MTM1: variants seen among roughly 807,000 people sequenced by gnomAD.
MTM1 encodes myotubularin 1.
A neutral mutation model predicts 52.1 loss-of-function variants in MTM1; 9 were observed. That is an observed-to-expected ratio of 0.17 (90% CI 0.10 to 0.30). MTM1 has a LOEUF of 0.30. Ranked by LOEUF, MTM1 falls within the 10% of genes least tolerant of loss-of-function variation. The probability of loss-of-function intolerance (pLI) is 1.00; values close to 1 mark genes in which losing one functional copy is unlikely to be tolerated. For missense variants in MTM1, 277 were observed against 470.7 expected, an observed-to-expected ratio of 0.59 and a Z score of 3.81; for synonymous variants, 136 against 163.8, an observed-to-expected ratio of 0.83 and a Z score of 1.29.
At position 150,592,717 on chromosome X, in the gene MTM1, A is replaced by G. The variant is rs782356114; in HGVS notation, c.63+40A>G. 9.8e-6 allele frequency: 9 copies of G among 918,731 alleles called. No individual in the cohort carries two copies. In the East Asian group the frequency reaches 2.8e-4, roughly 28 times the overall value. The allele number at this position is 918,731 out of a possible 1,213,427, so 75.7% of individuals were successfully genotyped here. On this transcript the variant is annotated intron_variant, in intron 2 of 14. Coordinates refer to ENST00000370396, the MANE Select transcript of MTM1 (RefSeq NM_000252.3). The stretch of plus-strand genomic sequence containing the variant: ...CAGATTTATCTGTCTCTTTCCTTGC[A>G]TTTATTTTGATATTTGAATATTAGG...
chrX:150,649,737 A>G lies in MTM1; in HGVS notation c.889A>G (p.Ser297Gly). 8.3e-7 allele frequency: 1 copy of G among 1,209,245 alleles called. No homozygotes were observed. Among genetic ancestry groups the G allele is most frequent in the Non-Finnish European group, 1.1e-6 (1 of 893,231 alleles). Residue 297 changes from serine to glycine, a missense_variant, in exon 10 of 15, where the codon AGT (serine) becomes GGT (glycine). Coordinates refer to ENST00000370396, the MANE Select transcript of MTM1 (RefSeq NM_000252.3). ...ANKATGGGYESDDAYHNAELF... is the reference protein window; with the variant it reads ...ANKATGGGYEGDDAYHNAELF... Reference sequence around the variant, plus strand: ...TTAGGCAACAGGAGGAGGATATGAAAGTGATGATGCATATCATAACGCCGA... The same window carrying G: ...TTAGGCAACAGGAGGAGGATATGAAGGTGATGATGCATATCATAACGCCGA...
rs181829058 is a variant in MTM1, at chrX:150,650,409, A to G, written c.1053+508A>G. 4.7e-4 allele frequency among the ~76,000 whole-genome samples: 53 copies of G among 111,942 alleles called. 1 individual carries two copies. The highest frequency in any genetic ancestry group is 1.7e-3 in the African/African-American group (51 of 30,788). On this transcript the variant is annotated intron_variant, in intron 10 of 14. Coordinates refer to ENST00000370396, the MANE Select transcript of MTM1 (RefSeq NM_000252.3). ...AAAGTACTTGAAGTGATCTGAGGGA[A>G]CTAACACTTTTAGAAACCATTTAGT...
chrX:150,567,889 C>A (rs782086067), upstream of MTM1, among the ~76,000 whole-genome samples: 4 of 112,488 alleles, frequency 3.6e-5, no homozygotes, highest in Admixed American at 9.3e-5. Flanking sequence ...ACAATGAATT[C>A]TCTTCTTGAA....
intron 3 of MTM1, among the ~76,000 whole-genome samples, chrX:150,598,315 A>G: frequency 9.0e-6 from 1 of 111,130 alleles, no homozygotes; most frequent in Non-Finnish European, 1.9e-5. Context: ...ATTCACTTCT[A>G]TTGTCACCTT....
intron 5 of MTM1, among the ~76,000 whole-genome samples, 172 bp downstream of exon 5, chrX:150,614,871 G>C (rs1193603666): frequency 9.0e-6 from 1 of 111,397 alleles, no homozygotes; most frequent in Admixed American, 9.6e-5. Flanking sequence ...GGGAAATAGT[G>C]CCCACGTGAG....
intron 10 of MTM1, among the ~76,000 whole-genome samples, chrX:150,652,656 TATACACAC>T (rs1217310647): frequency 5.4e-4 from 24 of 44,162 alleles, no homozygotes; most frequent in African/African-American, 1.5e-3. Context: ...TGTATATATA[TATACACAC>T]ACACACACAC....
rs782708529 is a variant in MTM1, at chrX:150,657,009, T to C, written c.1054-812T>C. Reference sequence around the variant, plus strand: ...AGAGGATGTGGAGAAATAAGAACACTTTTACACTGTTGGTGGGACTGTAAA... The same window carrying C: ...AGAGGATGTGGAGAAATAAGAACACCTTTACACTGTTGGTGGGACTGTAAA... On this transcript the variant is annotated intron_variant, in intron 10 of 14. Transcript: ENST00000370396. Among the ~76,000 whole-genome samples, 9 of 110,817 alleles carry C rather than the reference T, an allele frequency of 8.1e-5. No homozygotes were observed. The East Asian group carries it at 2.6e-3, about 32-fold the overall frequency.
intron 1 of MTM1, among the ~76,000 whole-genome samples, chrX:150,584,982 G>A (rs1208227074): frequency 2.7e-5 from 3 of 110,414 alleles, no homozygotes; most frequent in Non-Finnish European, 5.7e-5. Flanking sequence ...TTGATCCGCA[G>A]TTGGTTGAAT....
chrX:150,588,859 C>T (rs5925387), intron 1 of MTM1, among the ~76,000 whole-genome samples: 3 of 110,821 alleles, frequency 2.7e-5, no homozygotes, highest in South Asian at 7.5e-4. Context: ...AAGGCCTTGT[C>T]GTACCATTTC....
intron 1 of MTM1, among the ~76,000 whole-genome samples, chrX:150,589,483 A>G (rs1436768268): frequency 8.9e-6 from 1 of 111,984 alleles, no homozygotes; most frequent in East Asian, 2.8e-4. Flanking sequence ...TGTTTTTTAA[A>G]TAAAAAGGAT....
rs965473732 is a variant in MTM1 at position 150,631,690 on chromosome X, A to T, written c.445-7253A>T. 4.1e-3 allele frequency among the ~76,000 whole-genome samples: 449 copies of T among 108,975 alleles called. 3 individuals carry two copies. Among genetic ancestry groups the T allele is most frequent in the African/African-American group, 0.014 (432 of 29,984 alleles). 94.6% of individuals were successfully genotyped at this position (108,975 alleles called of 115,157 possible). On this transcript the variant is annotated intron_variant, in intron 6 of 14. Transcript: ENST00000370396. The stretch of plus-strand genomic sequence containing the variant: ...TCCAAAAAAAAAAAAAAAAAAAAAA[A>T]AACAAATAAAATAAATTATCTCATA...
At chrX:150,656,949 C>T (rs1018018677) in intron 10 of MTM1, among the ~76,000 whole-genome samples, 3 of 111,265 alleles carry the variant, frequency 2.7e-5, no homozygotes, top group Non-Finnish European at 5.7e-5. Flanking sequence ...GTTAGAATGG[C>T]GATCATTAAA....
intron 7 of MTM1, among the ~76,000 whole-genome samples, chrX:150,640,718 A>C (rs2039833678): frequency 9.0e-6 from 1 of 111,564 alleles, no homozygotes; most frequent in African/African-American, 3.3e-5. Context: ...TTGAAAAAAA[A>C]CTCATCGGAG....
At chrX:150,665,907 G>C (rs1293686098) in intron 14 of MTM1, among the ~76,000 whole-genome samples, 1 of 111,948 alleles carries the variant, frequency 8.9e-6, no homozygotes, top group African/African-American at 3.2e-5. Context: ...ACCATCATAC[G>C]GTACTCTAGG....
At chrX:150,593,463 A>T (rs2038921693) in intron 2 of MTM1, among the ~76,000 whole-genome samples, 1 of 112,078 alleles carries the variant, frequency 8.9e-6, no homozygotes, top group Middle Eastern at 4.6e-3. Flanking sequence ...GTGTAATTAG[A>T]GGGAGATTTT....
rs782733424 is a variant in MTM1, at chrX:150,662,716, A to G, written c.1468-717A>G. Among the ~76,000 whole-genome samples, 3 of 111,241 alleles carry G rather than the reference A, an allele frequency of 2.7e-5. No homozygotes were observed. In the Admixed American group the frequency reaches 2.9e-4, roughly 11 times the overall value. ...TTCTTATTAAAGTCATTACTAGGAAAAGTTTCAGATTCTACCTTTGGTAAT... is the reference window on the plus strand; with the variant it reads ...TTCTTATTAAAGTCATTACTAGGAAGAGTTTCAGATTCTACCTTTGGTAAT... On this transcript the variant is annotated intron_variant, in intron 13 of 14. Transcript: ENST00000370396.
chrX:150,574,173 A>G (rs1435803691), intron 1 of MTM1, among the ~76,000 whole-genome samples: 1 of 111,535 alleles, frequency 9.0e-6, no homozygotes, highest in Non-Finnish European at 1.9e-5. Context: ...TGATTTTTTC[A>G]AAGTTGAAGC....
intron 4 of MTM1, among the ~76,000 whole-genome samples, chrX:150,606,532 G>A (rs1406411168): frequency 2.2e-4 from 24 of 111,536 alleles, no homozygotes; most frequent in African/African-American, 7.8e-4. Flanking sequence ...AACCTTTCAT[G>A]CTCTTTGGCT....
intron 5 of MTM1, among the ~76,000 whole-genome samples, chrX:150,615,956 CTT>C (rs1354884556): frequency 9.0e-6 from 1 of 111,085 alleles, no homozygotes; most frequent in Non-Finnish European, 1.9e-5. Flanking sequence ...TGAAGGAAGA[CTT>C]TTGTATTTTG....
Sources: allele counts gnomAD v4.1 joint callset (sites outside exome capture counted in the v4.1 genomes callset), GRCh38; gene constraint gnomAD v4.1.1; transcripts MANE v1.5; gene names NCBI Gene and HGNC (gene_info 2026-07-23, HGNC 2026-07-21).